The following ANO2 variants were observed in gnomAD, a reference collection of about 807,000 sequenced individuals.
The protein encoded by ANO2 is anoctamin-2.
In ANO2, 101 loss-of-function variants were observed where a neutral mutation model predicts 124.2. The ratio of observed to expected loss-of-function variants is 0.81; its 90% CI spans 0.69 to 0.96. The LOEUF (loss-of-function observed/expected upper bound fraction) is 0.96. ANO2 is among the 40% of genes least tolerant of loss of function. The pLI is 0.00. For synonymous variants in ANO2, 486 were observed against 482.5 expected, an observed-to-expected ratio of 1.01 and a Z score of -0.09; for missense variants, 1,293 against 1,274.5, an observed-to-expected ratio of 1.01 and a Z score of -0.22.
chr12:5,798,248 G>A (rs1481336445), intron 10 of ANO2, among the ~76,000 whole-genome samples: 1 of 151,906 alleles, frequency 6.6e-6, no homozygotes, highest in African/African-American at 2.4e-5. Flanking sequence ...GAGACAGGGT[G>A]AAGGCACCTG....
At chr12:5,617,943 C>G (rs1944913054) in intron 16 of ANO2, among the ~76,000 whole-genome samples, 3 of 152,180 alleles carry the variant, frequency 2.0e-5, no homozygotes, top group Non-Finnish European at 4.4e-5. Context: ...TTGGATTCTC[C>G]CTAAGGCGAG....
chr12:5,698,140 A>G (rs952202145), intron 14 of ANO2, among the ~76,000 whole-genome samples: 1 of 152,192 alleles, frequency 6.6e-6, no homozygotes, highest in Non-Finnish European at 1.5e-5. Flanking sequence ...GAACAGACAG[A>G]CTGCCTCCTC....
chr12:5,920,793 G>A (rs1177545016), intron 3 of ANO2, among the ~76,000 whole-genome samples: 5 of 152,138 alleles, frequency 3.3e-5, no homozygotes, highest in African/African-American at 4.8e-5. Flanking sequence ...CAGGAACCCA[G>A]GAGGCAGAGC....
At chr12:5,773,351 G>A (rs1224185175) in intron 10 of ANO2, among the ~76,000 whole-genome samples, 1 of 152,212 alleles carries the variant, frequency 6.6e-6, no homozygotes, top group Non-Finnish European at 1.5e-5. Context: ...AGGGGAGTTA[G>A]AAACTACTTG....
At chr12:5,695,042 A>C (rs1949111642) in intron 14 of ANO2, among the ~76,000 whole-genome samples, 1 of 152,172 alleles carries the variant, frequency 6.6e-6, no homozygotes, top group Non-Finnish European at 1.5e-5. Flanking sequence ...TGTCTGCTGA[A>C]TAGTTCCTCA....
chr12:5,636,033 C>A lies in ANO2; in HGVS notation c.1621-686G>T, dbSNP rs377285151. ...TAGGAATCTCAGTCCTCAAGATGAA[C>A]AAAATATCACTGTAAGATTTCTCTA... On this transcript the variant is annotated intron_variant, in intron 15 of 24. Coordinates refer to ENST00000682330, the MANE Select transcript of ANO2 (RefSeq NM_001364791.2). The surrounding 1 kb of genome is among the most constrained non-coding windows in gnomAD (Gnocchi z 4.6). 3.5e-4 allele frequency among the ~76,000 whole-genome samples: 53 copies of A among 152,228 alleles called. No homozygotes were observed. Among genetic ancestry groups the A allele is most frequent in the African/African-American group, 1.3e-3 (53 of 41,558 alleles).
intron 3 of ANO2, among the ~76,000 whole-genome samples, chr12:5,867,541 T>C (rs974535566): frequency 2.0e-5 from 3 of 151,924 alleles, no homozygotes; most frequent in Non-Finnish European, 2.9e-5. Flanking sequence ...GTAAGTGAAG[T>C]TGAAAATTAC....
At chr12:5,892,219 A>T (rs7968180) in intron 3 of ANO2, among the ~76,000 whole-genome samples, 150,048 of 152,240 alleles carry the variant, frequency 0.99, 73,961 homozygotes, top group South Asian at 1. Flanking sequence ...ATAGAAATTA[A>T]CCAACCTGAA....
At chr12:5,570,136 TCTAA>T (rs1942017566) in intron 23 of ANO2, among the ~76,000 whole-genome samples, 1 of 152,232 alleles carries the variant, frequency 6.6e-6, no homozygotes, top group Non-Finnish European at 1.5e-5. Flanking sequence ...TCTAGATTGT[TCTAA>T]CTTTGTGAAA....
In ANO2 at chr12:5,756,777, G is replaced by A. The variant is rs531233290; in HGVS notation, c.1056-5807C>T. On this transcript the variant is annotated intron_variant, in intron 10 of 24. Coordinates refer to ENST00000682330, the MANE Select transcript of ANO2 (RefSeq NM_001364791.2). Reference sequence around the variant, plus strand: ...TTGAGATCTGCATGAGAGTAGGGCTGCATTTGGTTTCCATGAGCAGTCAAG... The same window carrying A: ...TTGAGATCTGCATGAGAGTAGGGCTACATTTGGTTTCCATGAGCAGTCAAG... 5.2e-4 allele frequency among the ~76,000 whole-genome samples: 80 copies of A among 152,388 alleles called. 1 individual carries two copies. In the Middle Eastern group the frequency reaches 0.017, roughly 32 times the overall value.
intron 1 of ANO2, among the ~76,000 whole-genome samples, chr12:5,923,244 GCATACACACACATACACACA>G (rs1484394847): frequency 9.1e-6 from 1 of 110,396 alleles, no homozygotes; most frequent in East Asian, 2.8e-4. Context: ...ATACACACAC[GCATACACACACATACACACA>G]CACACACACA....
chr12:5,649,764 C>G (rs927534938), intron 14 of ANO2, among the ~76,000 whole-genome samples: 2 of 150,510 alleles, frequency 1.3e-5, no homozygotes, highest in Non-Finnish European at 2.9e-5. Context: ...GCCACGATGC[C>G]CCCAGCTAAG....
chr12:5,599,751 G>A (rs1943839964), intron 19 of ANO2, 122 bp from the exon 20 acceptor site: 5 of 1,107,056 alleles, frequency 4.5e-6, no homozygotes, highest in Non-Finnish European at 6.5e-6. Flanking sequence ...CCAAAAACAA[G>A]TAGAGATAGA....
In ANO2 at chr12:5,921,309, G is replaced by A. The variant is rs748302845; in HGVS notation, c.265C>T (p.Arg89Cys). 2.3e-5 allele frequency: 37 copies of A among 1,613,870 alleles called. No individual in the cohort carries two copies. The highest frequency in any genetic ancestry group is 4.0e-5 in the African/African-American group (3 of 74,922). Residue 89 changes from arginine (R) to cysteine (C), a missense_variant, in exon 3 of 25, where the codon CGC becomes TGC. Physicochemically the swap from Arg to Cys is radical, Grantham distance 180 (BLOSUM62 -3). Coordinates refer to ENST00000682330, the MANE Select transcript of ANO2 (RefSeq NM_001364791.2). ...CTCTGACTGTCATGGAAGTGCATGC[G>A]GCTAAGACGGGCCTCCAAGGACACA... ...EPVSLEARLS[R>C]MHFHDSQRKV...
At chr12:5,934,314 A>G (rs984476403) in intron 1 of ANO2, among the ~76,000 whole-genome samples, 2 of 152,218 alleles carry the variant, frequency 1.3e-5, no homozygotes, top group African/African-American at 2.4e-5. Flanking sequence ...TAAATGGCCA[A>G]CATTACTTGG....
intron 16 of ANO2, among the ~76,000 whole-genome samples, chr12:5,620,822 T>C (rs1345191377): frequency 1.3e-5 from 2 of 152,080 alleles, no homozygotes; most frequent in Non-Finnish European, 2.9e-5. Flanking sequence ...TAATGATCTG[T>C]GCTCACCATT....
At chr12:5,710,003 G>C (rs998720170) in intron 14 of ANO2, among the ~76,000 whole-genome samples, 1 of 152,234 alleles carries the variant, frequency 6.6e-6, no homozygotes, top group African/African-American at 2.4e-5. Flanking sequence ...TAGGTAGTTG[G>C]AGTTGAGGAT....
chr12:5,771,650 G>C (rs1184746523), intron 10 of ANO2, among the ~76,000 whole-genome samples: 1 of 151,958 alleles, frequency 6.6e-6, no homozygotes, highest in African/African-American at 2.4e-5. Flanking sequence ...CATGGTGGTG[G>C]GTGCCTGTAA....
intron 3 of ANO2, among the ~76,000 whole-genome samples, chr12:5,907,592 T>C (rs777666251): frequency 9.2e-5 from 14 of 152,040 alleles, no homozygotes; most frequent in Non-Finnish European, 1.5e-4. Context: ...GTTTCATTCA[T>C]TCAGAAAATA....
Sources: allele counts gnomAD v4.1 joint callset (sites outside exome capture counted in the v4.1 genomes callset), GRCh38; gene constraint gnomAD v4.1.1; non-coding constraint Gnocchi (gnomAD v3.1); transcripts MANE v1.5; gene names NCBI Gene and HGNC (gene_info 2026-07-23, HGNC 2026-07-21).